The following LMF1 variants were observed in gnomAD, a reference collection of about 807,000 sequenced individuals.
LMF1 encodes lipase maturation factor 1.
LMF1 carries 68 observed loss-of-function variants against 60.6 expected under a neutral mutation model. That is an observed-to-expected ratio of 1.12 (90% CI 0.92 to 1.37). The LOEUF is 1.37. Ranked by LOEUF, LMF1 falls within the 40% of genes most tolerant of loss-of-function variation. The probability of loss-of-function intolerance (pLI) is 0.00; values close to 1 mark genes in which losing one functional copy is unlikely to be tolerated. For synonymous variants in LMF1, 418 were observed against 324.7 expected (o/e 1.29, Z -3.09); for missense variants, 948 against 767.2 (o/e 1.24, Z -2.78).
At chr16:862,473 G>T (rs752666585) in intron 10 of LMF1, among the ~76,000 whole-genome samples, 1 of 152,056 alleles carries the variant, frequency 6.6e-6, no homozygotes, top group Non-Finnish European at 1.5e-5. Context: ...AAAAAATTTT[G>T]TGTCTATATC....
rs146629145 is a variant in LMF1, at chr16:964,188, C to A, written c.193+6600G>T. The A allele has an allele frequency of 6.6e-4, 298 of 450,480 alleles. 1 individual carries two copies. The highest frequency in any genetic ancestry group is 5.5e-3 in the African/African-American group (274 of 49,634). The allele number at this position is 450,480 out of a possible 1,614,324, so 27.9% of individuals were successfully genotyped here. A position where few individuals can be genotyped will look rare whatever the true frequency, so the allele number is the denominator to read the frequency against. On this transcript the variant is annotated intron_variant, in intron 1 of 10. Transcript: ENST00000262301. Reference sequence around the variant, plus strand: ...GCCTGTGCCCGTAGCCCCAGCTACTCGGGAGGCTGAGGCAGGAGAATCTCT... The same window carrying A: ...GCCTGTGCCCGTAGCCCCAGCTACTAGGGAGGCTGAGGCAGGAGAATCTCT...
Position 955,166 on chromosome 16 carries a change from G to A in LMF1, c.194-500C>T, listed in dbSNP as rs1408550478. 4.7e-5 allele frequency among the ~76,000 whole-genome samples: 5 copies of A among 106,782 alleles called. 1 individual carries two copies. The highest frequency in any genetic ancestry group is 9.7e-5 in the Admixed American group (1 of 10,272). 70.1% of individuals were successfully genotyped at this position (106,782 alleles called of 152,430 possible). On this transcript the variant is annotated intron_variant, in intron 1 of 10. Coordinates refer to ENST00000262301, the MANE Select transcript of LMF1 (RefSeq NM_022773.4). ...CATAAAATGCGTGCCTGCAGCAGAC[G>A]CAGTGTGTGCATACACACACACACA...
intron 3 of LMF1, among the ~76,000 whole-genome samples, chr16:928,671 C>G (rs544068152): frequency 1.3e-5 from 2 of 151,752 alleles, no homozygotes; most frequent in Admixed American, 6.6e-5. Flanking sequence ...GTTCCCTGCA[C>G]GAGCCCATCC....
chr16:867,462 G>T (rs1052243628), intron 10 of LMF1, among the ~76,000 whole-genome samples: 11 of 152,192 alleles, frequency 7.2e-5, no homozygotes, highest in African/African-American at 2.4e-4. Context: ...GGGGGCTGGG[G>T]GGCTCTGAAG....
upstream of LMF1, among the ~76,000 whole-genome samples, chr16:972,461 C>G (rs373227608): frequency 6.6e-6 from 1 of 152,196 alleles, no homozygotes; most frequent in African/African-American, 2.4e-5. Flanking sequence ...GCCCACGACC[C>G]GTACCTCTCC....
At chr16:974,937 C>T (rs773136816), upstream of LMF1, among the ~76,000 whole-genome samples, 1 of 152,208 alleles carries the variant, frequency 6.6e-6, no homozygotes, top group Non-Finnish European at 1.5e-5. Flanking sequence ...GCCCAGGACC[C>T]GTGGATGCTA....
At chr16:888,815 T>C in intron 5 of LMF1, among the ~76,000 whole-genome samples, 1 of 152,028 alleles carries the variant, frequency 6.6e-6, no homozygotes, top group Non-Finnish European at 1.5e-5. Context: ...TAGGGACAGC[T>C]ACATGGGGAC....
Position 870,652 on chromosome 16 carries a change from C to G in LMF1, c.1232+77G>C. On this transcript the variant is annotated intron_variant, in intron 8 of 10. Transcript: ENST00000262301. The stretch of plus-strand genomic sequence containing the variant: ...GGGTCATGGGGGCCTGCACTGTAAC[C>G]CCACCTGAATGTGGCTGGTCAGGGC... 3.9e-6 allele frequency: 6 copies of G among 1,549,694 alleles called. No homozygotes were observed. The South Asian group carries it at 6.7e-5, about 17-fold the overall frequency.
intron 1 of LMF1, among the ~76,000 whole-genome samples, chr16:956,294 A>G (rs66814413): frequency 0.49 from 72,235 of 148,508 alleles, 19,593 homozygotes; most frequent in African/African-American, 0.73. Flanking sequence ...CACCCACAAC[A>G]GCTCTCTCAC....
chr16:939,691 C>T (rs2072043010), intron 2 of LMF1, among the ~76,000 whole-genome samples: 1 of 152,190 alleles, frequency 6.6e-6, no homozygotes, highest in Non-Finnish European at 1.5e-5. Context: ...AAGACAACGT[C>T]GGCGAGATGG....
rs201314852 is a variant in LMF1 at position 894,125 on chromosome 16, C to T, written c.664-1053G>A. On this transcript the variant is annotated intron_variant, in intron 4 of 10. Coordinates refer to ENST00000262301, the MANE Select transcript of LMF1 (RefSeq NM_022773.4). ...CCACCCATGCCCCTGTCCACCGGAC[C>T]GTCTGCCCACCCGTCCCCTGTCCAC... Among the ~76,000 whole-genome samples the T allele has an allele frequency of 8.6e-5, 11 of 127,962 alleles. 3 individuals carry two copies. Among genetic ancestry groups the T allele is most frequent in the African/African-American group, 3.0e-4 (10 of 32,966 alleles). The allele number at this position is 127,962 out of a possible 152,430, so 83.9% of individuals were successfully genotyped here. A position where few individuals can be genotyped will look rare whatever the true frequency, so the allele number is the denominator to read the frequency against.
chr16:868,021 G>A lies in LMF1; in HGVS notation c.1529+923C>T, dbSNP rs926967086. Among the ~76,000 whole-genome samples the A allele has an allele frequency of 5.3e-5, 8 of 152,152 alleles. 1 individual carries two copies. The South Asian group carries it at 8.3e-4, about 16-fold the overall frequency. ...GGGAAAATCCAGAGCTGTGTTTTCC[G>A]TCAGAATCGGCGGCTGATGGCGCAG... On this transcript the variant is annotated intron_variant, in intron 10 of 10. Transcript: ENST00000262301.
upstream of LMF1, among the ~76,000 whole-genome samples, chr16:974,589 G>A (rs541699405): frequency 7.9e-5 from 12 of 152,320 alleles, no homozygotes; most frequent in Non-Finnish European, 1.6e-4. Context: ...CTGCCTCCCC[G>A]GAGACCGACC....
chr16:956,980 C>A (rs1333131828), intron 1 of LMF1, among the ~76,000 whole-genome samples: 1 of 151,992 alleles, frequency 6.6e-6, no homozygotes, highest in East Asian at 1.9e-4. Flanking sequence ...TATGGCAAAA[C>A]CCTGTCTCTA....
chr16:875,601 C>T (rs1416862672), intron 6 of LMF1, among the ~76,000 whole-genome samples: 1 of 152,140 alleles, frequency 6.6e-6, no homozygotes, highest in African/African-American at 2.4e-5. Context: ...CCAGCACAGC[C>T]TGAGGGAGGG....
rs1034818654 is a variant in LMF1, at chr16:874,376, G to T, written c.898-3035C>A. 6.6e-6 allele frequency among the ~76,000 whole-genome samples: 1 copy of T among 152,166 alleles called. No individual in the cohort carries two copies. The highest frequency in any genetic ancestry group is 1.5e-5 in the Non-Finnish European group (1 of 68,012). ...GGGCGGGGTGGGGTGGGGCCGGACAGCCCGCTGTGGGCAGGCGCCTCAGAG... is the reference window on the plus strand; with the variant it reads ...GGGCGGGGTGGGGTGGGGCCGGACATCCCGCTGTGGGCAGGCGCCTCAGAG... On this transcript the variant is annotated intron_variant, in intron 6 of 10. Coordinates refer to ENST00000262301, the MANE Select transcript of LMF1 (RefSeq NM_022773.4). The surrounding 1 kb of genome is among the most constrained non-coding windows in gnomAD (Gnocchi z 4.1).
chr16:858,347 A>G (rs2069278412), intron 10 of LMF1, among the ~76,000 whole-genome samples: 1 of 54,726 alleles, frequency 1.8e-5, no homozygotes. Flanking sequence ...GTGTCTCGGG[A>G]CGGGTGTGCA....
chr16:854,336 A>T lies in LMF1; in HGVS notation c.*196T>A. ...AGGGTTGGCCTGGATGTGGGGCCCC[A>T]GGTGGGCAGGGCCTGGGAGCCGCCA... On this transcript the variant is annotated 3_prime_UTR_variant, in exon 11 of 11. Transcript: ENST00000262301. 1 of 719,924 alleles carries T rather than the reference A, an allele frequency of 1.4e-6. No homozygotes were observed. The highest frequency in any genetic ancestry group is 2.5e-6 in the Non-Finnish European group (1 of 405,050). 44.6% of individuals were successfully genotyped at this position (719,924 alleles called of 1,614,324 possible).
rs1034427591 is a variant in LMF1 at position 860,994 on chromosome 16, A to T, written c.1530-6288T>A. 8.8e-5 allele frequency among the ~76,000 whole-genome samples: 13 copies of T among 148,010 alleles called. 1 individual carries two copies. The highest frequency in any genetic ancestry group is 3.1e-4 in the African/African-American group (12 of 38,898). ...AGAAAACTTGGGATGACTTGTCCTT[A>T]CCTATTAACACATCTTGCTGGGTTT... On this transcript the variant is annotated intron_variant, in intron 10 of 10. Coordinates refer to ENST00000262301, the MANE Select transcript of LMF1 (RefSeq NM_022773.4).
Sources: allele counts gnomAD v4.1 joint callset (sites outside exome capture counted in the v4.1 genomes callset), GRCh38; gene constraint gnomAD v4.1.1; non-coding constraint Gnocchi (gnomAD v3.1); transcripts MANE v1.5; gene names NCBI Gene and HGNC (gene_info 2026-07-23, HGNC 2026-07-21).